The following ABCB1 variants were observed in gnomAD, a reference collection of about 807,000 sequenced individuals.
ABCB1 encodes the protein ATP-dependent translocase ABCB1.
Under a neutral mutation model 142.0 loss-of-function variants are expected in ABCB1, and 69 were observed. The ratio of observed to expected loss-of-function variants is 0.49; its 90% CI spans 0.40 to 0.59. The LOEUF (loss-of-function observed/expected upper bound fraction) is 0.59, where lower values mean the gene tolerates loss of function less well. ABCB1 is among the 20% of genes least tolerant of loss of function. The pLI, the probability that ABCB1 is intolerant of heterozygous loss-of-function variation, is 0.00. For synonymous variants in ABCB1, 532 were observed against 539.2 expected (o/e 0.99, Z 0.18); for missense variants, 1,326 against 1,554.7 (o/e 0.85, Z 2.47).
intron 1 of ABCB1, chr7:87,628,748 G>A (rs1820870016): frequency 2.8e-5 from 26 of 937,226 alleles, no homozygotes; most frequent in Non-Finnish European, 3.5e-5. Flanking sequence ...TGCGGACCGA[G>A]CGAGAACCCC....
intron 8 of ABCB1, among the ~76,000 whole-genome samples, chr7:87,560,008 TA>T (rs777317617): frequency 6.6e-6 from 1 of 152,230 alleles, no homozygotes; most frequent in Non-Finnish European, 1.5e-5. Context: ...ATAACTTATC[TA>T]AATAGTATCC....
At chr7:87,587,155 C>T (rs1254635586) in intron 3 of ABCB1, among the ~76,000 whole-genome samples, 1 of 152,110 alleles carries the variant, frequency 6.6e-6, no homozygotes, top group African/African-American at 2.4e-5. Context: ...AATTCATCTG[C>T]TTCCTTAAAC....
chr7:87,711,081 C>A lies in ABCB1; in HGVS notation c.-331+2080G>T, dbSNP rs796356191. On this transcript the variant is annotated intron_variant, in intron 1 of 28. Coordinates refer to the ABCB1 transcript ENST00000265724. ...GTGGCTCACACCTATAATCCCAGCA[C>A]TTTGGGAGGCCGAGGCTGGCAGATC... Among the ~76,000 whole-genome samples the A allele has an allele frequency of 3.3e-5, 5 of 152,034 alleles. No individual in the cohort carries two copies. The South Asian group carries it at 8.3e-4, about 25-fold the overall frequency.
At chr7:87,532,118 T>C (rs1199807166) in intron 20 of ABCB1, among the ~76,000 whole-genome samples, 1 of 152,142 alleles carries the variant, frequency 6.6e-6, no homozygotes. Flanking sequence ...CACCACTGTA[T>C]AATGTCCAAC....
intron 17 of ABCB1, 40 bp from the exon 18 acceptor site, chr7:87,541,504 G>T: frequency 7.2e-7 from 1 of 1,383,780 alleles, no homozygotes. Context: ...TTCAATCAGT[G>T]AAGAACCCAT....
intron 14 of ABCB1, among the ~76,000 whole-genome samples, chr7:87,547,597 C>T (rs934958936): frequency 1.4e-4 from 21 of 151,890 alleles, no homozygotes; most frequent in African/African-American, 3.6e-4. Flanking sequence ...GGGCTGGGCA[C>T]GGTAGCTCAC....
chr7:87,644,757 A>G (rs1006529155), intron 1 of ABCB1, among the ~76,000 whole-genome samples: 1 of 151,104 alleles, frequency 6.6e-6, no homozygotes, highest in African/African-American at 2.4e-5. Flanking sequence ...CTCTCTGTGT[A>G]TATATGGATA....
chr7:87,527,155 T>A (rs1250047980), intron 21 of ABCB1, among the ~76,000 whole-genome samples: 1 of 152,122 alleles, frequency 6.6e-6, no homozygotes, highest in Non-Finnish European at 1.5e-5. Flanking sequence ...TAAAGCCAAA[T>A]ATCTTTCTAA....
chr7:87,682,715 A>T (rs1827045570), intron 1 of ABCB1, among the ~76,000 whole-genome samples: 1 of 152,222 alleles, frequency 6.6e-6, no homozygotes. Context: ...TTGTTGCTCC[A>T]TTTATAGAGC....
chr7:87,555,908 A>T (rs1817287238), intron 8 of ABCB1, among the ~76,000 whole-genome samples: 1 of 152,224 alleles, frequency 6.6e-6, no homozygotes, highest in South Asian at 2.1e-4. Flanking sequence ...CGTAGAAACC[A>T]GTCTGATGTT....
chr7:87,537,804 C>T lies in ABCB1; in HGVS notation c.2398-1263G>A, dbSNP rs527297185. On this transcript the variant is annotated intron_variant, in intron 19 of 27. Transcript: ENST00000622132. The stretch of plus-strand genomic sequence containing the variant: ...GTAAAACCATTTATATTTTTAAATA[C>T]ACAGATACTAACATGATTGTGAATT... Among the ~76,000 whole-genome samples the T allele has an allele frequency of 3.9e-5, 6 of 152,190 alleles. 1 individual carries two copies. The highest frequency in any genetic ancestry group is 1.4e-4 in the African/African-American group (6 of 41,534).
At chr7:87,567,584 A>C (rs1310219959) in intron 5 of ABCB1, among the ~76,000 whole-genome samples, 2 of 152,212 alleles carry the variant, frequency 1.3e-5, no homozygotes, top group African/African-American at 4.8e-5. Flanking sequence ...AGTAGAGTTT[A>C]GATGCCAAGA....
chr7:87,707,305 A>G (rs1405186802), intron 1 of ABCB1, among the ~76,000 whole-genome samples: 5 of 152,166 alleles, frequency 3.3e-5, no homozygotes, highest in African/African-American at 1.2e-4. Flanking sequence ...AAGCAATTAT[A>G]ATAGGTTCAA....
chr7:87,550,156 C>T lies in ABCB1; in HGVS notation c.1350+15G>A. The T allele has an allele frequency of 6.2e-7, 1 of 1,614,202 alleles. No homozygotes were observed. Among genetic ancestry groups the T allele is most frequent in the Non-Finnish European group, 8.5e-7 (1 of 1,180,044 alleles). On this transcript the variant is annotated intron_variant, in intron 12 of 27. Transcript: ENST00000622132. ...GCTGATCACCGCAGGGTCTAGCTCGCATGGGTCATCTCACCATCCCCTCTG... is the reference window on the plus strand; with the variant it reads ...GCTGATCACCGCAGGGTCTAGCTCGTATGGGTCATCTCACCATCCCCTCTG...
At position 87,504,551 on chromosome 7, in the gene ABCB1, G is replaced by A. The variant is rs1814637977; in HGVS notation, c.3637-102C>T. 3 of 1,492,674 alleles carry A rather than the reference G, an allele frequency of 2.0e-6. No homozygotes were observed. The Admixed American group carries it at 5.8e-5, about 29-fold the overall frequency. 92.5% of individuals were successfully genotyped at this position (1,492,674 alleles called of 1,614,324 possible). On this transcript the variant is annotated intron_variant, in intron 27 of 27. Coordinates refer to ENST00000622132, the MANE Select transcript of ABCB1 (RefSeq NM_001348946.2). ...AGGACGGGCATGGTGGCTCACGCCT[G>A]TAATCCCAGCACTTTGGGAGGCCAA...
intron 3 of ABCB1, among the ~76,000 whole-genome samples, chr7:87,589,952 G>C (rs1437243412): frequency 6.6e-6 from 1 of 152,096 alleles, no homozygotes; most frequent in Non-Finnish European, 1.5e-5. Flanking sequence ...GTTGATCCGT[G>C]CCTAATGCCA....
chr7:87,658,332 G>T (rs901495156), intron 1 of ABCB1, among the ~76,000 whole-genome samples: 2 of 152,080 alleles, frequency 1.3e-5, no homozygotes, highest in Non-Finnish European at 2.9e-5. Context: ...CAAAACAATA[G>T]AAATTTCCTA....
intron 1 of ABCB1, among the ~76,000 whole-genome samples, chr7:87,660,062 CTG>C (rs561030728): frequency 5.7e-4 from 87 of 152,122 alleles, no homozygotes; most frequent in Non-Finnish European, 1.0e-3. Context: ...TAAAATTAGT[CTG>C]TTTTGTGCTT....
At chr7:87,646,323 T>C (rs1189878468) in intron 1 of ABCB1, among the ~76,000 whole-genome samples, 1 of 152,178 alleles carries the variant, frequency 6.6e-6, no homozygotes, top group Admixed American at 6.5e-5. Flanking sequence ...AATAGTTTGT[T>C]AAGTAATCTA....
Sources: gnomAD v4.1 joint callset for allele counts (sites outside exome capture counted in the v4.1 genomes callset) on GRCh38, gnomAD v4.1.1 for gene constraint, MANE v1.5 for transcripts, NCBI Gene and HGNC (gene_info 2026-07-23, HGNC 2026-07-21) for gene names.